LYRM4: variants seen among roughly 807,000 people sequenced by gnomAD.
The protein encoded by LYRM4 is LYR motif-containing protein 4.
In LYRM4, 9 loss-of-function variants were observed where a neutral mutation model predicts 11.7. The observed-to-expected ratio is 0.77, with a 90% confidence interval of 0.46 to 1.34. The LOEUF (loss-of-function observed/expected upper bound fraction) is 1.34. LYRM4 is among the 40% of genes most tolerant of loss of function. The pLI, the probability that LYRM4 is intolerant of heterozygous loss-of-function variation, is 0.00. For missense variants in LYRM4, 133 were observed against 112.5 expected (o/e 1.18, Z -0.82); for synonymous variants, 42 against 40.4 (o/e 1.04, Z -0.15).
intron 2 of LYRM4, among the ~76,000 whole-genome samples, chr6:5,176,837 T>C (rs900178752): frequency 6.6e-6 from 1 of 152,234 alleles, no homozygotes; most frequent in Admixed American, 6.5e-5. Flanking sequence ...TAATTTCATC[T>C]ACAATGGCAT....
intron 2 of LYRM4, among the ~76,000 whole-genome samples, chr6:5,161,469 T>G (rs1336739148): frequency 6.6e-6 from 1 of 152,222 alleles, no homozygotes; most frequent in African/African-American, 2.4e-5. Flanking sequence ...GCCTTACTGG[T>G]TAGCATTTGG....
At chr6:5,259,788 G>A (rs1437555969) in intron 1 of LYRM4, among the ~76,000 whole-genome samples, 2 of 151,912 alleles carry the variant, frequency 1.3e-5, no homozygotes, top group African/African-American at 2.4e-5. Flanking sequence ...GAGAGAGACA[G>A]GTAGTTAGTA....
chr6:5,044,046 A>C, the LYRM4 span, among the ~76,000 whole-genome samples: 1 of 152,054 alleles, frequency 6.6e-6, no homozygotes, highest in East Asian at 1.9e-4. Context: ...GTGTGAAACT[A>C]TCTCCTAATC....
At chr6:5,112,699 A>C (rs1401228126) in intron 2 of LYRM4, among the ~76,000 whole-genome samples, 1 of 152,006 alleles carries the variant, frequency 6.6e-6, no homozygotes, top group Non-Finnish European at 1.5e-5. Context: ...GGAATGTGCT[A>C]GCATGAGGAG....
chr6:5,076,182 G>A, the LYRM4 span, among the ~76,000 whole-genome samples: 1 of 152,144 alleles, frequency 6.6e-6, no homozygotes, highest in African/African-American at 2.4e-5. Flanking sequence ...CTGGGCTCAA[G>A]TGATCCACCC....
intron 2 of LYRM4, among the ~76,000 whole-genome samples, chr6:5,165,034 G>T (rs1308978298): frequency 1.3e-5 from 2 of 150,070 alleles, no homozygotes; most frequent in Admixed American, 1.3e-4. Context: ...TTCTACAGAA[G>T]CTTTCAAAAT....
chr6:5,109,373 G>A lies in LYRM4; in HGVS notation c.*50C>T, dbSNP rs1467120174. ...GGAGCCCCCATCTCAAACAGAGAGT[G>A]GATGCTGAAGGTGGTCCCTGGCCGC... On this transcript the variant is annotated 3_prime_UTR_variant, in exon 3 of 3. Transcript: ENST00000330636. The A allele has an allele frequency of 1.2e-6, 2 of 1,611,576 alleles. No individual in the cohort carries two copies. Among genetic ancestry groups the A allele is most frequent in the African/African-American group, 2.7e-5 (2 of 74,890 alleles).
At chr6:5,120,205 T>C (rs943302101) in intron 2 of LYRM4, among the ~76,000 whole-genome samples, 1 of 152,130 alleles carries the variant, frequency 6.6e-6, no homozygotes, top group Non-Finnish European at 1.5e-5. Context: ...GGGAATGAAA[T>C]TATTTGAATG....
At chr6:5,190,536 TA>T (rs1760692285) in intron 2 of LYRM4, among the ~76,000 whole-genome samples, 1 of 152,248 alleles carries the variant, frequency 6.6e-6, no homozygotes. Flanking sequence ...CAGAGCGTGA[TA>T]ACTTGACTAT....
rs1227558371 is a variant in LYRM4, at chr6:5,216,599, C to T, written c.207+19G>A. The T allele has an allele frequency of 1.9e-6, 3 of 1,613,430 alleles. No individual in the cohort carries two copies. Among genetic ancestry groups the T allele is most frequent in the African/African-American group, 1.3e-5 (1 of 74,898 alleles). ...TTAAAGCTCTTAATGAAAAACAGTA[C>T]ATCATTGAACCATCTTACCTGTCGA... On this transcript the variant is annotated intron_variant, in intron 2 of 2. Coordinates refer to ENST00000330636, the MANE Select transcript of LYRM4 (RefSeq NM_020408.6).
the LYRM4 span, among the ~76,000 whole-genome samples, chr6:5,049,369 A>C: frequency 6.6e-6 from 1 of 152,156 alleles, no homozygotes; most frequent in East Asian, 1.9e-4. Context: ...CTGGGAGCAC[A>C]AGCTTCTTCT....
chr6:5,066,870 G>A, the LYRM4 span: 2 of 954,542 alleles, frequency 2.1e-6, no homozygotes, highest in Admixed American at 2.1e-5. Flanking sequence ...GCGGTTCCTC[G>A]CCGGCAAGTG....
chr6:5,187,206 G>C (rs190917468), intron 2 of LYRM4, among the ~76,000 whole-genome samples: 24 of 152,232 alleles, frequency 1.6e-4, no homozygotes, highest in African/African-American at 5.1e-4. Flanking sequence ...GAAAATATGT[G>C]ATCTTCTCAG....
the LYRM4 span, chr6:5,066,824 C>T: frequency 6.5e-6 from 5 of 774,266 alleles, no homozygotes; most frequent in African/African-American, 1.7e-5. Flanking sequence ...AATCCGGATC[C>T]GGCCACAGCT....
chr6:5,085,847 C>A, the LYRM4 span: 59 of 1,529,256 alleles, frequency 3.9e-5, no homozygotes, highest in Middle Eastern at 4.2e-4. Context: ...CAGCTCGGCC[C>A]GGGCGGCTGC....
chr6:5,146,061 C>T (rs1757704862), intron 2 of LYRM4, among the ~76,000 whole-genome samples: 1 of 152,184 alleles, frequency 6.6e-6, no homozygotes, highest in Admixed American at 6.5e-5. Flanking sequence ...CGCTTCATTG[C>T]TCCAAATATT....
At chr6:5,235,310 C>G (rs1373678914) in intron 1 of LYRM4, among the ~76,000 whole-genome samples, 2 of 152,098 alleles carry the variant, frequency 1.3e-5, no homozygotes, top group Non-Finnish European at 1.5e-5. Context: ...GCCTGGCACA[C>G]TGTAATTTTT....
intron 2 of LYRM4, among the ~76,000 whole-genome samples, chr6:5,118,617 A>G (rs1015004242): frequency 2.3e-4 from 35 of 152,304 alleles, no homozygotes; most frequent in Admixed American, 3.9e-4. Flanking sequence ...ATGGAGAGGC[A>G]CTGCCACAGC....
At chr6:5,091,855 T>A in the LYRM4 span, among the ~76,000 whole-genome samples, 1 of 152,194 alleles carries the variant, frequency 6.6e-6, no homozygotes, top group African/African-American at 2.4e-5. Flanking sequence ...CAAAGCCATT[T>A]TCAAGTGACT....
Sources: allele counts gnomAD v4.1 joint callset (sites outside exome capture counted in the v4.1 genomes callset), GRCh38; gene constraint gnomAD v4.1.1; transcripts MANE v1.5; gene names NCBI Gene and HGNC (gene_info 2026-07-23, HGNC 2026-07-21).